ADCY5: variants seen among roughly 807,000 people sequenced by gnomAD.
The protein encoded by ADCY5 is adenylate cyclase type 5.
A neutral mutation model predicts 119.7 loss-of-function variants in ADCY5; 30 were observed. The ratio of observed to expected loss-of-function variants is 0.25; its 90% CI spans 0.19 to 0.34. ADCY5 has a LOEUF of 0.34. Among genes scored for constraint, ADCY5 ranks in the 10% least tolerant of loss-of-function variants. ADCY5 has a pLI of 1.00. For missense variants in ADCY5, 1,324 were observed against 1,775.2 expected (o/e 0.75, Z 4.57); for synonymous variants, 753 against 762.2 (o/e 0.99, Z 0.20).
intron 3 of ADCY5, among the ~76,000 whole-genome samples, chr3:123,345,555 G>A (rs1395452229): frequency 6.6e-6 from 1 of 152,146 alleles, no homozygotes; most frequent in Admixed American, 6.5e-5. Flanking sequence ...CAGTGACTTG[G>A]CTCGTATATG....
At position 123,445,346 on chromosome 3, in the gene ADCY5, C is replaced by G. The variant is rs199669571; in HGVS notation, c.1134+2066G>C. Among the ~76,000 whole-genome samples the G allele has an allele frequency of 9.3e-5, 14 of 150,268 alleles. No homozygotes were observed. In the South Asian group the frequency reaches 2.1e-3, roughly 23 times the overall value. On this transcript the variant is annotated intron_variant, in intron 1 of 20. Transcript: ENST00000462833. ...TGCTAAGGTGGAATTGGGGCCCCCC[C>G]CAAGGCTCAGCACCCCTTTCCTGGG...
chr3:123,306,233 T>C lies in ADCY5; in HGVS notation c.2443-2050A>G, dbSNP rs560767862. 3.9e-5 allele frequency among the ~76,000 whole-genome samples: 6 copies of C among 152,314 alleles called. No homozygotes were observed. The East Asian group carries it at 1.2e-3, about 29-fold the overall frequency. On this transcript the variant is annotated intron_variant, in intron 12 of 20. Coordinates refer to ENST00000462833, the MANE Select transcript of ADCY5 (RefSeq NM_183357.3). ...ACATTGAGGGTCCAGAAACAAACCT[T>C]TCCATTTATGGCCCAATGATTTTGA...
chr3:123,379,379 C>G (rs145190579), intron 1 of ADCY5, among the ~76,000 whole-genome samples: 1 of 152,056 alleles, frequency 6.6e-6, no homozygotes, highest in African/African-American at 2.4e-5. Context: ...GGGAGCATGA[C>G]CTTCCTGGAC....
At chr3:123,317,234 A>C (rs1211869749) in intron 11 of ADCY5, among the ~76,000 whole-genome samples, 2 of 152,222 alleles carry the variant, frequency 1.3e-5, no homozygotes, top group African/African-American at 4.8e-5. Context: ...GCCAGTCCTC[A>C]GAAGAGTTCA....
rs1446838478 is a variant in ADCY5 at position 123,289,971 on chromosome 3, A to C, written c.3328-17T>G. 1 of 1,613,300 alleles carries C rather than the reference A, an allele frequency of 6.2e-7. No individual in the cohort carries two copies. The highest frequency in any genetic ancestry group is 8.5e-7 in the Non-Finnish European group (1 of 1,179,554). ...GCTGATGATCTGGATGAAGGAGGCCAAACCTGGGTCACCCCAAGCCTGGGA... is the reference window on the plus strand; with the variant it reads ...GCTGATGATCTGGATGAAGGAGGCCCAACCTGGGTCACCCCAAGCCTGGGA... On this transcript the variant is annotated splice_polypyrimidine_tract_variant and intron_variant, in intron 18 of 20. Coordinates refer to ENST00000462833, the MANE Select transcript of ADCY5 (RefSeq NM_183357.3).
At chr3:123,379,551 G>A (rs114539879) in intron 1 of ADCY5, among the ~76,000 whole-genome samples, 695 of 152,262 alleles carry the variant, frequency 4.6e-3, no homozygotes, top group Non-Finnish European at 8.1e-3. Context: ...ACAGCAATCC[G>A]GCAGCCACCA....
At chr3:123,370,250 C>T (rs1425638159) in intron 1 of ADCY5, among the ~76,000 whole-genome samples, 1 of 152,120 alleles carries the variant, frequency 6.6e-6, no homozygotes, top group African/African-American at 2.4e-5. Flanking sequence ...CACCACCGCC[C>T]CCTTTAGAAT....
At chr3:123,439,144 T>C (rs1945678823) in intron 1 of ADCY5, among the ~76,000 whole-genome samples, 1 of 135,044 alleles carries the variant, frequency 7.4e-6, no homozygotes, top group South Asian at 2.7e-4. Flanking sequence ...CTCGGCTCAC[T>C]GCAAGCTCCG....
At chr3:123,385,165 T>C (rs1459379012) in intron 1 of ADCY5, among the ~76,000 whole-genome samples, 1 of 152,070 alleles carries the variant, frequency 6.6e-6, no homozygotes, top group Admixed American at 6.5e-5. Flanking sequence ...CAGCTCTGGA[T>C]GGCTCTATCT....
intron 1 of ADCY5, among the ~76,000 whole-genome samples, chr3:123,383,684 C>T (rs1035916233): frequency 1.4e-5 from 2 of 142,990 alleles, no homozygotes; most frequent in African/African-American, 2.7e-5. Context: ...GTGCAGAGCC[C>T]CCTGCACATC....
At chr3:123,320,597 C>G in intron 9 of ADCY5, 152 bp downstream of exon 9, 1 of 1,073,148 alleles carries the variant, frequency 9.3e-7, no homozygotes. Flanking sequence ...TGCTGCTGAC[C>G]ACCTGACGGC....
intron 1 of ADCY5, among the ~76,000 whole-genome samples, chr3:123,444,835 C>T (rs1426870866): frequency 6.6e-6 from 1 of 152,178 alleles, no homozygotes; most frequent in Non-Finnish European, 1.5e-5. Flanking sequence ...ATAGGAACTG[C>T]TCATTGCCAC....
At chr3:123,370,316 G>A (rs992302567) in intron 1 of ADCY5, among the ~76,000 whole-genome samples, 3 of 152,214 alleles carry the variant, frequency 2.0e-5, no homozygotes, top group Non-Finnish European at 4.4e-5. Flanking sequence ...CTGTGGCAGA[G>A]ACTGTAAGTT....
chr3:123,315,943 G>A (rs975385588), intron 11 of ADCY5, among the ~76,000 whole-genome samples: 1 of 152,120 alleles, frequency 6.6e-6, no homozygotes, highest in Non-Finnish European at 1.5e-5. Flanking sequence ...GGGGTTTTAT[G>A]CCAACAAGGA....
intron 1 of ADCY5, among the ~76,000 whole-genome samples, chr3:123,405,548 C>T (rs538748884): frequency 6.6e-6 from 1 of 152,358 alleles, no homozygotes; most frequent in Middle Eastern, 3.4e-3. Flanking sequence ...TGAGCAGGGC[C>T]ATACCAAATG....
chr3:123,348,723 A>G (rs1208308742), intron 2 of ADCY5, among the ~76,000 whole-genome samples: 1 of 152,116 alleles, frequency 6.6e-6, no homozygotes, highest in Non-Finnish European at 1.5e-5. Flanking sequence ...CGGAGTCTGG[A>G]CTATGCTCTC....
chr3:123,440,640 C>T (rs1176705124), intron 1 of ADCY5, among the ~76,000 whole-genome samples: 2 of 152,272 alleles, frequency 1.3e-5, no homozygotes, highest in East Asian at 3.9e-4. Context: ...TGCTCCTCCA[C>T]CCCCTGACTT....
rs200097715 is a variant in ADCY5, at chr3:123,318,130, G to A, written c.2257-13C>T. The A allele has an allele frequency of 1.1e-5, 18 of 1,608,472 alleles. No individual in the cohort carries two copies. The East Asian group carries it at 1.3e-4, about 12-fold the overall frequency. ...CCTGCTTGGAGTACTGAGAGGAGAC[G>A]GGCAGGGTGAGAGGGGCCAAGGTAC... On this transcript the variant is annotated splice_polypyrimidine_tract_variant and intron_variant, in intron 10 of 20. Transcript: ENST00000462833.
rs1177157955 is a variant in ADCY5, at chr3:123,312,214, T to C, written c.2442+2021A>G. ...GGTTCAGGCTTAAAAAATGGCAGAC[T>C]ATGCGCAGCTTTGATTCTGATTTGA... On this transcript the variant is annotated intron_variant, in intron 12 of 20. Coordinates refer to ENST00000462833, the MANE Select transcript of ADCY5 (RefSeq NM_183357.3). 2.6e-5 allele frequency among the ~76,000 whole-genome samples: 4 copies of C among 152,212 alleles called. No homozygotes were observed. The East Asian group carries it at 7.7e-4, about 29-fold the overall frequency.
Sources: gnomAD v4.1 joint callset for allele counts (sites outside exome capture counted in the v4.1 genomes callset) on GRCh38, gnomAD v4.1.1 for gene constraint, MANE v1.5 for transcripts, NCBI Gene and HGNC (gene_info 2026-07-23, HGNC 2026-07-21) for gene names.